ATP8A2: variants seen among roughly 807,000 people sequenced by gnomAD.
ATP8A2 encodes phospholipid-transporting ATPase IB.
ATP8A2 carries 100 observed loss-of-function variants against 165.6 expected under a neutral mutation model. The ratio of observed to expected loss-of-function variants is 0.60; its 90% CI spans 0.51 to 0.71. The LOEUF is 0.71. Ranked by LOEUF, ATP8A2 falls within the 30% of genes least tolerant of loss-of-function variation. ATP8A2 has a pLI of 0.00. For synonymous variants in ATP8A2, 543 were observed against 548.8 expected, an observed-to-expected ratio of 0.99 and a Z score of 0.15; for missense variants, 1,227 against 1,479.5, an observed-to-expected ratio of 0.83 and a Z score of 2.80.
intron 24 of ATP8A2, among the ~76,000 whole-genome samples, chr13:25,692,778 C>A (rs1484253876): frequency 2.6e-5 from 4 of 152,170 alleles, no homozygotes; most frequent in African/African-American, 9.7e-5. Flanking sequence ...AAAGGCCATG[C>A]TGACCTTGCT....
intron 27 of ATP8A2, among the ~76,000 whole-genome samples, chr13:25,799,412 C>T (rs994364853): frequency 2.0e-5 from 3 of 152,168 alleles, no homozygotes; most frequent in Non-Finnish European, 4.4e-5. Flanking sequence ...TCCCTTAAAT[C>T]AAAACAGCCA....
chr13:25,425,808 C>A (rs1176572900), intron 1 of ATP8A2, among the ~76,000 whole-genome samples: 3 of 152,146 alleles, frequency 2.0e-5, no homozygotes, highest in East Asian at 3.9e-4. Flanking sequence ...GATCTCCTGA[C>A]CTTGTGATCC....
At chr13:25,533,210 T>C in intron 5 of ATP8A2, 63 bp from the exon 6 acceptor site, 1 of 879,632 alleles carries the variant, frequency 1.1e-6, no homozygotes, top group Non-Finnish European at 1.8e-6. Context: ...AGCTTTTGGA[T>C]TTTAGGAAGC....
chr13:26,005,755 T>C (rs118005606), intron 35 of ATP8A2, among the ~76,000 whole-genome samples: 1,768 of 152,132 alleles, frequency 0.012, 12 homozygotes, highest in Non-Finnish European at 0.017. Flanking sequence ...CCCAGCACCA[T>C]TTGCTGGAGA....
chr13:26,007,169 T>C (rs975077372), intron 35 of ATP8A2, among the ~76,000 whole-genome samples: 2 of 152,186 alleles, frequency 1.3e-5, no homozygotes, highest in African/African-American at 2.4e-5. Context: ...TGATATAATA[T>C]TGTAAATGGT....
rs1232132302 is a variant in ATP8A2 at position 25,753,245 on chromosome 13, C to G, written c.2385-15801C>G. ...ATCCGGGAAGTGGGAGCTCACAAAC[C>G]AAGTGCTAACACTTACAGGGTGTGG... On this transcript the variant is annotated intron_variant, in intron 25 of 36. Coordinates refer to ENST00000381655, the MANE Select transcript of ATP8A2 (RefSeq NM_016529.6). 3.9e-5 allele frequency among the ~76,000 whole-genome samples: 6 copies of G among 152,208 alleles called. No individual in the cohort carries two copies. In the East Asian group the frequency reaches 1.2e-3, roughly 29 times the overall value.
chr13:25,432,128 T>G (rs1198130940), intron 1 of ATP8A2, among the ~76,000 whole-genome samples: 1 of 152,228 alleles, frequency 6.6e-6, no homozygotes, highest in African/African-American at 2.4e-5. Context: ...ATTTTGTTTA[T>G]CCGTGCATCA....
intron 33 of ATP8A2, among the ~76,000 whole-genome samples, chr13:25,936,944 T>C (rs1344958957): frequency 2.6e-5 from 4 of 152,212 alleles, no homozygotes; most frequent in East Asian, 1.9e-4. Flanking sequence ...CCTCCGCTTA[T>C]TGAAGCAGCA....
intron 25 of ATP8A2, among the ~76,000 whole-genome samples, chr13:25,719,006 T>C (rs535777278): frequency 6.6e-6 from 1 of 152,308 alleles, no homozygotes; most frequent in East Asian, 1.9e-4. Flanking sequence ...TTCAGAAGAC[T>C]TGCCTTGTTC....
intron 1 of ATP8A2, among the ~76,000 whole-genome samples, chr13:25,435,414 C>T (rs1035589371): frequency 6.5e-4 from 99 of 152,244 alleles, no homozygotes; most frequent in African/African-American, 1.9e-3. Flanking sequence ...CCACCGCGCC[C>T]GGCTGGAAAT....
chr13:25,978,291 A>T (rs1478391268), intron 35 of ATP8A2, among the ~76,000 whole-genome samples: 1 of 152,140 alleles, frequency 6.6e-6, no homozygotes, highest in African/African-American at 2.4e-5. Context: ...AGGTTCTGGG[A>T]TCTCTTTGCT....
At chr13:25,562,995 G>T (rs560264013) in intron 15 of ATP8A2, among the ~76,000 whole-genome samples, 2 of 152,144 alleles carry the variant, frequency 1.3e-5, no homozygotes, top group African/African-American at 4.8e-5. Context: ...TTGCATTTTA[G>T]GTGCTCCCCC....
At chr13:25,500,899 T>A (rs2036834518) in intron 2 of ATP8A2, among the ~76,000 whole-genome samples, 1 of 152,200 alleles carries the variant, frequency 6.6e-6, no homozygotes. Flanking sequence ...AAGTTAAAAC[T>A]TTTTTGTGTA....
intron 35 of ATP8A2, among the ~76,000 whole-genome samples, chr13:25,977,037 C>CCCCACCCCCACCCCCACT (rs1956061604): frequency 7.1e-6 from 1 of 140,450 alleles, no homozygotes; most frequent in Non-Finnish European, 1.5e-5. Context: ...CCACCCCCAC[C>CCCCACCCCCACCCCCACT]CCCACCCCCC....
chr13:25,714,905 C>T (rs1479757637), intron 25 of ATP8A2, among the ~76,000 whole-genome samples: 1 of 152,130 alleles, frequency 6.6e-6, no homozygotes, highest in African/African-American at 2.4e-5. Flanking sequence ...AACCAAGGAG[C>T]CTTATGTATC....
chr13:25,918,987 C>CA (rs1954354507), intron 33 of ATP8A2, among the ~76,000 whole-genome samples: 1 of 152,166 alleles, frequency 6.6e-6, no homozygotes, highest in African/African-American at 2.4e-5. Context: ...AGAGATACAA[C>CA]ACATGTGATC....
chr13:25,913,761 G>A (rs905769042), intron 33 of ATP8A2, among the ~76,000 whole-genome samples: 31 of 152,158 alleles, frequency 2.0e-4, no homozygotes, highest in African/African-American at 7.2e-4. Context: ...AGTGATTTGA[G>A]TTAGGAAATT....
At chr13:25,704,621 C>T (rs2137944330) in intron 25 of ATP8A2, among the ~76,000 whole-genome samples, 1 of 152,264 alleles carries the variant, frequency 6.6e-6, no homozygotes, top group Non-Finnish European at 1.5e-5. Flanking sequence ...CAGGCATGAG[C>T]CACAGTGCCA....
chr13:25,985,856 A>G (rs1956272126), intron 35 of ATP8A2, among the ~76,000 whole-genome samples: 1 of 152,226 alleles, frequency 6.6e-6, no homozygotes, highest in Admixed American at 6.5e-5. Context: ...AAACCTGTCC[A>G]TGTAGGAAGA....
Sources: allele counts gnomAD v4.1 joint callset (sites outside exome capture counted in the v4.1 genomes callset), GRCh38; gene constraint gnomAD v4.1.1; transcripts MANE v1.5; gene names NCBI Gene and HGNC (gene_info 2026-07-23, HGNC 2026-07-21).